The following C1QTNF7 variants were observed in gnomAD, a reference collection of about 807,000 sequenced individuals.
C1QTNF7 encodes the protein complement C1q tumor necrosis factor-related protein 7.
Under a neutral mutation model 19.6 loss-of-function variants are expected in C1QTNF7, and 15 were observed. The observed-to-expected ratio is 0.76, with a 90% confidence interval of 0.51 to 1.18. The LOEUF (loss-of-function observed/expected upper bound fraction) is 1.18. Ranked by LOEUF, C1QTNF7 falls within the 50% of genes most tolerant of loss-of-function variation. The probability of loss-of-function intolerance (pLI) is 0.00; values close to 1 mark genes in which losing one functional copy is unlikely to be tolerated. For missense variants in C1QTNF7, 324 were observed against 359.7 expected, an observed-to-expected ratio of 0.90 and a Z score of 0.80; for synonymous variants, 142 against 137.5, an observed-to-expected ratio of 1.03 and a Z score of -0.23.
intron 1 of C1QTNF7, among the ~76,000 whole-genome samples, chr4:15,412,244 A>T (rs774625129): frequency 6.6e-6 from 1 of 152,180 alleles, no homozygotes; most frequent in African/African-American, 2.4e-5. Flanking sequence ...TTCACTATAC[A>T]TTACAGTATA....
At chr4:15,374,857 C>A in intron 1 of C1QTNF7, 1 of 586,820 alleles carries the variant, frequency 1.7e-6, no homozygotes, top group Non-Finnish European at 2.0e-6. Context: ...TGGTGTTTCT[C>A]TCTCTCTCTC....
intron 1 of C1QTNF7, among the ~76,000 whole-genome samples, chr4:15,419,701 G>A (rs28390359): frequency 2.0e-5 from 3 of 152,032 alleles, no homozygotes; most frequent in African/African-American, 7.3e-5. Context: ...CATAGGACAA[G>A]AATAGATAAT....
At chr4:15,350,397 CTAAAGTTACTCATTTTCTTTCCCTG>C (rs200938215) in intron 1 of C1QTNF7, among the ~76,000 whole-genome samples, 60,474 of 139,410 alleles carry the variant, frequency 0.43, 13,877 homozygotes, top group African/African-American at 0.58. Flanking sequence ...TCACTTTTTC[CTAAAGTTACTCATTTTCTTTCCCTG>C]TAAAGTTACT....
chr4:15,420,085 C>G (rs1210720436), intron 1 of C1QTNF7: 4 of 152,220 alleles, frequency 2.6e-5, no homozygotes, highest in African/African-American at 4.8e-5. Flanking sequence ...AGTCTAAGTT[C>G]CCCAAGAAAG....
At chr4:15,412,539 C>T (rs989751196) in intron 1 of C1QTNF7, among the ~76,000 whole-genome samples, 5 of 152,176 alleles carry the variant, frequency 3.3e-5, no homozygotes, top group African/African-American at 1.2e-4. Flanking sequence ...CTGCCTCCCT[C>T]TTAAAAGGAC....
chr4:15,401,786 G>GAAAGTCAACTTC (rs1340596933), intron 1 of C1QTNF7, among the ~76,000 whole-genome samples: 23 of 152,134 alleles, frequency 1.5e-4, no homozygotes, highest in Non-Finnish European at 2.5e-4. Flanking sequence ...TTATAGACAT[G>GAAAGTCAACTTC]AAAGTCAACT....
rs1712841454 is a variant in C1QTNF7, at chr4:15,442,865, A to G, written c.*66A>G. The G allele has an allele frequency of 2.1e-6, 3 of 1,457,808 alleles. No homozygotes were observed. Among genetic ancestry groups the G allele is most frequent in the South Asian group, 2.7e-5 (2 of 73,010 alleles). 90.3% of individuals were successfully genotyped at this position (1,457,808 alleles called of 1,614,324 possible). On this transcript the variant is annotated 3_prime_UTR_variant, in exon 3 of 3. Transcript: ENST00000444304. Reference sequence around the variant, plus strand: ...TGGGGTTCCAGAAGGTGGAACAAGCAGGAATGGGATCCAAAGAGACTCCCA... The same window carrying G: ...TGGGGTTCCAGAAGGTGGAACAAGCGGGAATGGGATCCAAAGAGACTCCCA...
upstream of C1QTNF7, among the ~76,000 whole-genome samples, chr4:15,424,561 G>A (rs1454659181): frequency 2.0e-5 from 3 of 152,140 alleles, no homozygotes; most frequent in African/African-American, 7.2e-5. Context: ...CCCACTAGGA[G>A]GACTCCTTGG....
Position 15,442,196 on chromosome 4 carries a change from T to A in C1QTNF7, c.267T>A (p.Gly89=). The A allele has an allele frequency of 6.2e-7, 1 of 1,612,606 alleles. No homozygotes were observed. Among genetic ancestry groups the A allele is most frequent in the Non-Finnish European group, 8.5e-7 (1 of 1,179,538 alleles). The change falls in exon 3 of 3, where the codon GGT becomes GGA. Residue 89 remains glycine (G), a synonymous_variant. Transcript: ENST00000444304. ...AGLRGKTGPL[G]LAGEKGDQGE... ...TGAGAGGTAAGACTGGACCGCTAGG[T>A]CTTGCCGGTGAGAAAGGGGACCAAG...
rs1212718304 is a variant in C1QTNF7, at chr4:15,444,186, TATAA to T, written c.*1391_*1394del. On this transcript the variant is annotated 3_prime_UTR_variant, in exon 3 of 3. Transcript: ENST00000444304. ...GTATTCCTTTCTCTGCTCATTGACT[TATAA>T]ATAGTTTTCATACCTCTTATGTTTG... 3 of 152,358 alleles carry T rather than the reference TATAA, an allele frequency of 2.0e-5. No individual in the cohort carries two copies. Among genetic ancestry groups the T allele is most frequent in the East Asian group, 1.9e-4 (1 of 5,186 alleles). The allele number at this position is 152,358 out of a possible 1,614,324, so 9.4% of individuals were successfully genotyped here.
intron 2 of C1QTNF7, among the ~76,000 whole-genome samples, chr4:15,439,176 C>A (rs1417531797): frequency 6.6e-6 from 1 of 152,158 alleles, no homozygotes; most frequent in Non-Finnish European, 1.5e-5. Context: ...TGTGTGGAAC[C>A]TAAGCATGTG....
At chr4:15,416,446 T>G (rs1719610061) in intron 1 of C1QTNF7, among the ~76,000 whole-genome samples, 1 of 152,136 alleles carries the variant, frequency 6.6e-6, no homozygotes. Flanking sequence ...CACTACAAAG[T>G]GCAGGCAAAC....
At chr4:15,434,451 G>T (rs79479629) in intron 1 of C1QTNF7, among the ~76,000 whole-genome samples, 9,308 of 152,154 alleles carry the variant, frequency 0.061, 929 homozygotes, top group African/African-American at 0.21. Context: ...AATTTCATCT[G>T]ATTGCTTTCC....
At chr4:15,340,123 A>G in exon 1 of C1QTNF7, 1 of 1,500,508 alleles carries the variant, frequency 6.7e-7, no homozygotes, top group South Asian at 1.2e-5. Flanking sequence ...TAAATTTTTA[A>G]TAGTTAACTA....
intron 1 of C1QTNF7, among the ~76,000 whole-genome samples, chr4:15,410,457 T>C (rs1719365601): frequency 6.6e-6 from 1 of 152,190 alleles, no homozygotes; most frequent in African/African-American, 2.4e-5. Flanking sequence ...TTGTGAATAT[T>C]TTCCTTATGA....
At chr4:15,436,660 CTT>C (rs531673628) in intron 2 of C1QTNF7, among the ~76,000 whole-genome samples, 55 of 152,332 alleles carry the variant, frequency 3.6e-4, no homozygotes, top group Non-Finnish European at 6.6e-4. Context: ...GTAATTTTCA[CTT>C]TGTTTCCTCG....
At chr4:15,392,190 C>T (rs896459343) in intron 1 of C1QTNF7, among the ~76,000 whole-genome samples, 1 of 152,184 alleles carries the variant, frequency 6.6e-6, no homozygotes, top group African/African-American at 2.4e-5. Context: ...GTCTGAATTC[C>T]TAAACCCTCC....
chr4:15,434,459 T>C (rs1443826465), intron 1 of C1QTNF7, among the ~76,000 whole-genome samples: 1 of 152,192 alleles, frequency 6.6e-6, no homozygotes, highest in Non-Finnish European at 1.5e-5. Context: ...CTGATTGCTT[T>C]CCCCACATTT....
intron 1 of C1QTNF7, among the ~76,000 whole-genome samples, chr4:15,431,842 A>G (rs1712325810): frequency 6.6e-6 from 1 of 152,232 alleles, no homozygotes; most frequent in Non-Finnish European, 1.5e-5. Flanking sequence ...TAGATATAAA[A>G]TAAAGATAGG....
Sources: gnomAD v4.1 joint callset for allele counts (sites outside exome capture counted in the v4.1 genomes callset) on GRCh38, gnomAD v4.1.1 for gene constraint, MANE v1.5 for transcripts, NCBI Gene and HGNC (gene_info 2026-07-23, HGNC 2026-07-21) for gene names.